The following RAPGEF2 variants were observed in gnomAD, a reference collection of about 807,000 sequenced individuals.
RAPGEF2 encodes PDZ domain containing guanine nucleotide exchange factor (GEF) 1.
RAPGEF2 carries 54 observed loss-of-function variants against 186.7 expected under a neutral mutation model. The observed-to-expected ratio is 0.29, with a 90% CI of 0.23 to 0.36. The LOEUF (loss-of-function observed/expected upper bound fraction) is 0.36. RAPGEF2 is among the 10% of genes least tolerant of loss of function. The pLI is 1.00. For synonymous variants in RAPGEF2, 712 were observed against 705.9 expected, an observed-to-expected ratio of 1.01 and a Z score of -0.14; for missense variants, 1,532 against 2,045.0, an observed-to-expected ratio of 0.75 and a Z score of 4.84.
intron 7 of RAPGEF2, among the ~76,000 whole-genome samples, chr4:159,301,367 T>G (rs1314340917): frequency 2.6e-5 from 4 of 152,106 alleles, no homozygotes; most frequent in Non-Finnish European, 5.9e-5. Flanking sequence ...CAGAGCAAGA[T>G]TCTGTCTCCA....
At chr4:159,328,670 A>G (rs943141161) in intron 11 of RAPGEF2, 1 of 152,198 alleles carries the variant, frequency 6.6e-6, no homozygotes, top group Middle Eastern at 3.2e-3. Context: ...CAAGATTTTG[A>G]TGTGCATGTA....
At chr4:159,266,014 G>C (rs770012033) in intron 7 of RAPGEF2, among the ~76,000 whole-genome samples, 1 of 152,140 alleles carries the variant, frequency 6.6e-6, no homozygotes, top group Non-Finnish European at 1.5e-5. Flanking sequence ...TGAGAGATTT[G>C]GTTGGGAAGT....
intron 7 of RAPGEF2, among the ~76,000 whole-genome samples, chr4:159,281,962 G>C (rs1241713725): frequency 6.6e-6 from 1 of 152,168 alleles, no homozygotes; most frequent in African/African-American, 2.4e-5. Flanking sequence ...TCCTATGTGG[G>C]TTGGAACCCA....
At chr4:159,144,879 GTTTTTTTTTTT>G (rs137978885) in intron 1 of RAPGEF2, among the ~76,000 whole-genome samples, 66 of 92,312 alleles carry the variant, frequency 7.1e-4, no homozygotes, top group East Asian at 5.7e-3. Context: ...CTTTCTTCCT[GTTTTTTTTTTT>G]TTTTTTTTTT....
At chr4:159,229,112 C>T (rs543849396) in intron 4 of RAPGEF2, among the ~76,000 whole-genome samples, 8 of 152,232 alleles carry the variant, frequency 5.3e-5, no homozygotes, top group African/African-American at 1.2e-4. Flanking sequence ...AACTGCCTAT[C>T]ATTTTCTGGA....
chr4:159,287,499 C>T (rs146048923), intron 7 of RAPGEF2, among the ~76,000 whole-genome samples: 380 of 152,164 alleles, frequency 2.5e-3, no homozygotes, highest in Non-Finnish European at 4.2e-3. Flanking sequence ...CCAAAAATCA[C>T]GTAAAGCTAC....
intron 18 of RAPGEF2, 40 bp from the exon 19 acceptor site, chr4:159,339,074 A>C: frequency 6.3e-7 from 1 of 1,584,984 alleles, no homozygotes; most frequent in Non-Finnish European, 8.6e-7. Flanking sequence ...CATATATTAA[A>C]ATTCTTTCTA....
chr4:159,330,293 G>GTA (rs1579964686), intron 12 of RAPGEF2, 41 bp from the exon 13 acceptor site: 6 of 1,016,788 alleles, frequency 5.9e-6, no homozygotes, highest in Non-Finnish European at 8.8e-6. Context: ...GTGTGTGTGT[G>GTA]TGTATATATA....
chr4:159,223,281 A>G (rs1024053555), intron 4 of RAPGEF2, among the ~76,000 whole-genome samples: 3 of 152,076 alleles, frequency 2.0e-5, no homozygotes, highest in Non-Finnish European at 4.4e-5. Flanking sequence ...GTGTTCGTGT[A>G]TTTAGAGAGC....
chr4:159,312,437 C>A (rs947410769), intron 8 of RAPGEF2, among the ~76,000 whole-genome samples: 1 of 152,112 alleles, frequency 6.6e-6, no homozygotes, highest in African/African-American at 2.4e-5. Flanking sequence ...CCTATTTTCT[C>A]TAACCACAAC....
intron 17 of RAPGEF2, 101 bp downstream of exon 17, chr4:159,332,798 C>A: frequency 7.3e-7 from 1 of 1,376,122 alleles, no homozygotes; most frequent in Non-Finnish European, 9.8e-7. Flanking sequence ...GAAAACTGTT[C>A]TAGGTTTTTA....
chr4:159,254,456 T>C (rs999776857), intron 7 of RAPGEF2, among the ~76,000 whole-genome samples: 12 of 152,126 alleles, frequency 7.9e-5, no homozygotes, highest in African/African-American at 1.7e-4. Context: ...GATTCACTGG[T>C]TTTTCAGATT....
At chr4:159,225,329 G>C (rs1290711359) in intron 4 of RAPGEF2, among the ~76,000 whole-genome samples, 1 of 152,328 alleles carries the variant, frequency 6.6e-6, no homozygotes, top group African/African-American at 2.4e-5. Context: ...CTTATATAAA[G>C]TGGATGCCAG....
At chr4:159,199,402 A>G (rs955212087) in intron 3 of RAPGEF2, among the ~76,000 whole-genome samples, 3 of 152,130 alleles carry the variant, frequency 2.0e-5, no homozygotes, top group Non-Finnish European at 4.4e-5. Context: ...GAGGGTAGGG[A>G]CTATGTTTGT....
At chr4:159,348,587 G>A (rs747936358) in intron 25 of RAPGEF2, among the ~76,000 whole-genome samples, 4 of 151,980 alleles carry the variant, frequency 2.6e-5, no homozygotes, top group Non-Finnish European at 5.9e-5. Flanking sequence ...TATATATTAC[G>A]TTTTGAATAT....
chr4:159,156,099 C>T (rs920318482), intron 1 of RAPGEF2, among the ~76,000 whole-genome samples: 1 of 152,162 alleles, frequency 6.6e-6, no homozygotes, highest in Non-Finnish European at 1.5e-5. Context: ...TTAGCAGATT[C>T]CAGTGCTTCA....
chr4:159,235,953 C>T (rs942040810), intron 4 of RAPGEF2, among the ~76,000 whole-genome samples: 2 of 152,186 alleles, frequency 1.3e-5, no homozygotes, highest in African/African-American at 2.4e-5. Flanking sequence ...GGCTTTGTCA[C>T]TGATCAGGCC....
chr4:159,285,245 T>C (rs914589664), intron 7 of RAPGEF2, among the ~76,000 whole-genome samples: 2 of 152,188 alleles, frequency 1.3e-5, no homozygotes, highest in Non-Finnish European at 2.9e-5. Flanking sequence ...ATATCAGATG[T>C]TGGCCTTCAA....
chr4:159,277,638 T>C (rs1759093600), intron 7 of RAPGEF2, among the ~76,000 whole-genome samples: 1 of 152,250 alleles, frequency 6.6e-6, no homozygotes. Context: ...TAAGATGGTA[T>C]CTCATTGTGG....
Sources: gnomAD v4.1 joint callset for allele counts (sites outside exome capture counted in the v4.1 genomes callset) on GRCh38, gnomAD v4.1.1 for gene constraint, MANE v1.5 for transcripts, NCBI Gene and HGNC (gene_info 2026-07-23, HGNC 2026-07-21) for gene names.